Variants in MAP3K21 observed in about 807,000 individuals in gnomAD.
MAP3K21 encodes mitogen-activated protein kinase kinase kinase MLK4.
In MAP3K21, 63 loss-of-function variants were observed where a neutral mutation model predicts 86.1. The ratio of observed to expected loss-of-function variants is 0.73; its 90% CI spans 0.60 to 0.90. The LOEUF is 0.90. Among genes scored for constraint, MAP3K21 ranks in the 40% least tolerant of loss-of-function variants. The pLI is 0.00. For synonymous variants in MAP3K21, 558 were observed against 564.8 expected, an observed-to-expected ratio of 0.99 and a Z score of 0.17; for missense variants, 1,220 against 1,367.7, an observed-to-expected ratio of 0.89 and a Z score of 1.70.
At chr1:233,372,965 T>C (rs1278346887) in intron 6 of MAP3K21, 3 of 151,870 alleles carry the variant, frequency 2.0e-5, no homozygotes, top group African/African-American at 7.3e-5. Context: ...AAAAAAAAAA[T>C]CCAAAAGAAA....
chr1:233,372,419 C>T (rs900803864), intron 6 of MAP3K21: 8 of 427,492 alleles, frequency 1.9e-5, no homozygotes, highest in Non-Finnish European at 3.3e-5. Flanking sequence ...TGAAACACCA[C>T]ATCTCGAGAC....
chr1:233,378,495 A>G (rs527678963), intron 8 of MAP3K21, among the ~76,000 whole-genome samples: 1 of 152,342 alleles, frequency 6.6e-6, no homozygotes, highest in Admixed American at 6.5e-5. Context: ...CTGATCTGCT[A>G]CAGAACAGTT....
At chr1:233,339,247 TTCTTCTTCTTCTTCTTCTTCC>T (rs1249795566) in intron 1 of MAP3K21, among the ~76,000 whole-genome samples, 1,090 of 76,902 alleles carry the variant, frequency 0.014, 51 homozygotes, top group African/African-American at 0.023. Flanking sequence ...CTTCTTCTTC[TTCTTCTTCTTCTTCTTCTTCC>T]TCTTCTTCTT....
chr1:233,380,729 A>G (rs1663897687), intron 9 of MAP3K21, among the ~76,000 whole-genome samples: 1 of 152,236 alleles, frequency 6.6e-6, no homozygotes, highest in Admixed American at 6.5e-5. Context: ...TTGGACATAA[A>G]TTGTCTCTTA....
chr1:233,359,421 G>A (rs535141260), intron 4 of MAP3K21, among the ~76,000 whole-genome samples: 22 of 152,048 alleles, frequency 1.4e-4, no homozygotes, highest in African/African-American at 4.6e-4. Flanking sequence ...TTTTGGCTTC[G>A]AAGTTTCCAG....
At chr1:233,379,960 G>A (rs1349898326) in intron 9 of MAP3K21, among the ~76,000 whole-genome samples, 2 of 152,150 alleles carry the variant, frequency 1.3e-5, no homozygotes, top group African/African-American at 4.8e-5. Context: ...AGAACACATG[G>A]AGAATAACCA....
At chr1:233,358,469 A>ATTTTTTTT (rs1457336705) in intron 4 of MAP3K21, among the ~76,000 whole-genome samples, 1 of 68,766 alleles carries the variant, frequency 1.5e-5, no homozygotes. Context: ...AAAGACTCTA[A>ATTTTTTTT]TTTGTTTTTT....
chr1:233,375,583 A>G (rs1277189421), intron 6 of MAP3K21, among the ~76,000 whole-genome samples: 1 of 152,238 alleles, frequency 6.6e-6, no homozygotes, highest in Non-Finnish European at 1.5e-5. Context: ...ATTTTAAGTT[A>G]CATGTTTAGT....
chr1:233,366,183 G>A (rs906237187), intron 5 of MAP3K21, among the ~76,000 whole-genome samples: 1 of 152,092 alleles, frequency 6.6e-6, no homozygotes, highest in Non-Finnish European at 1.5e-5. Flanking sequence ...GGTTATTGGG[G>A]TGGGAAGGGC....
Position 233,328,263 on chromosome 1 carries a change from G to C in MAP3K21, c.235G>C (p.Gly79Arg). Residue 79 changes from glycine to arginine, a missense_variant, in exon 1 of 10, where the codon GGC (glycine) becomes CGC (arginine). Coordinates refer to ENST00000366624, the MANE Select transcript of MAP3K21 (RefSeq NM_032435.3). This position sits in a 1 kb window ranked among gnomAD's most constrained non-coding sequence, Gnocchi z 8.7. ...SQDAAVSGDE[G>R]WWAGQVQRRL... ...GGACGCCGCCGTGTCGGGCGACGAGGGCTGGTGGGCAGGCCAGGTGCAGCG... is the reference window on the plus strand; with the variant it reads ...GGACGCCGCCGTGTCGGGCGACGAGCGCTGGTGGGCAGGCCAGGTGCAGCG... 1.3e-6 allele frequency: 2 copies of C among 1,490,674 alleles called. No homozygotes were observed. The highest frequency in any genetic ancestry group is 1.3e-5 in the South Asian group (1 of 79,592). The allele number at this position is 1,490,674 out of a possible 1,614,324, so 92.3% of individuals were successfully genotyped here. A position where few individuals can be genotyped will look rare whatever the true frequency, so the allele number is the denominator to read the frequency against.
At chr1:233,339,407 C>CCTCCTCCTCCTTCTCCTCCTCCTT (rs1433267823) in intron 1 of MAP3K21, among the ~76,000 whole-genome samples, 4,382 of 37,696 alleles carry the variant, frequency 0.12, 277 homozygotes, top group East Asian at 0.16. Flanking sequence ...TTCTCCTCCT[C>CCTCCTCCTCCTTCTCCTCCTCCTT]CTCCTCCTCC....
intron 5 of MAP3K21, among the ~76,000 whole-genome samples, chr1:233,367,111 A>C (rs1663591210): frequency 6.6e-6 from 1 of 152,194 alleles, no homozygotes; most frequent in Admixed American, 6.5e-5. Context: ...AATACAAGAC[A>C]AAAGCTTTAA....
At chr1:233,336,616 C>T (rs1662920015) in intron 1 of MAP3K21, among the ~76,000 whole-genome samples, 1 of 152,126 alleles carries the variant, frequency 6.6e-6, no homozygotes, top group Admixed American at 6.5e-5. Context: ...AATTATTTCA[C>T]TTATAATCCC....
rs751511846 is a variant in MAP3K21, at chr1:233,379,081, C to A, written c.2075C>A (p.Ala692Glu). 3.1e-5 allele frequency: 50 copies of A among 1,614,100 alleles called. No individual in the cohort carries two copies. Among genetic ancestry groups the A allele is most frequent in the Non-Finnish European group, 4.2e-5 (50 of 1,180,050 alleles). Residue 692 changes from alanine to glutamate, a missense_variant, in exon 9 of 10, where the codon GCA (alanine) becomes GAA (glutamate). Around this residue, in one of 5 missense-constraint regions of MAP3K21, gnomAD observed 632 missense variants for 691.3 expected, o/e 0.91. Transcript: ENST00000366624. ...GCAGAAGCTGAAAGCTGGGAGGAGG[C>A]AGCCTCTGCGAATGCTGCCACAGTC... ...NPAEAESWEEAASANAATVSI... is the reference protein window; with the variant it reads ...NPAEAESWEEEASANAATVSI...
chr1:233,382,308 G>A lies in MAP3K21; in HGVS notation c.2708G>A (p.Gly903Asp). Residue 903 changes from glycine (G) to aspartate (D), a missense_variant, in exon 10 of 10, where the codon GGT becomes GAT. Transcript: ENST00000366624. ...TMSDGNPTPT[G>D]ATIISATGAS... The stretch of plus-strand genomic sequence containing the variant: ...CTGTTTTGGCTTTCTCAACCAGCTG[G>A]TGCAACTATTATCTCAGCCACTGGA... 1.2e-6 allele frequency: 2 copies of A among 1,608,058 alleles called. No homozygotes were observed. Among genetic ancestry groups the A allele is most frequent in the Middle Eastern group, 1.7e-4 (1 of 6,030 alleles).
In MAP3K21 at chr1:233,382,930, A is replaced by G. The variant is rs529650668; in HGVS notation, c.*219A>G. 5.5e-5 allele frequency: 27 copies of G among 493,124 alleles called. No individual in the cohort carries two copies. The highest frequency in any genetic ancestry group is 4.8e-4 in the African/African-American group (25 of 52,138). 30.5% of individuals were successfully genotyped at this position (493,124 alleles called of 1,614,324 possible). ...TCTTTTCTTATAACTTGGAATACAC[A>G]AAAGTGTAAAACAAGAGATGTGCAC... is the stretch of plus-strand genomic sequence containing the variant. On this transcript the variant is annotated 3_prime_UTR_variant, in exon 10 of 10. Coordinates refer to ENST00000366624, the MANE Select transcript of MAP3K21 (RefSeq NM_032435.3).
At chr1:233,356,886 G>A (rs1572248564) in intron 4 of MAP3K21, among the ~76,000 whole-genome samples, 1 of 152,152 alleles carries the variant, frequency 6.6e-6, no homozygotes, top group Non-Finnish European at 1.5e-5. Context: ...ACATATTTCT[G>A]GTTGCAAACA....
At chr1:233,372,012 C>T (rs765040681) in intron 5 of MAP3K21, 26 bp from the exon 6 acceptor site, 88 of 1,602,524 alleles carry the variant, frequency 5.5e-5, no homozygotes, top group Non-Finnish European at 7.4e-5. Context: ...CATGAAATAC[C>T]AGTTCTCCCT....
At chr1:233,377,674 TG>T (rs1454387681) in intron 8 of MAP3K21, among the ~76,000 whole-genome samples, 1 of 152,026 alleles carries the variant, frequency 6.6e-6, no homozygotes, top group Non-Finnish European at 1.5e-5. Flanking sequence ...CATGGACCAG[TG>T]GGGTAGGGAT....
Sources: gnomAD v4.1 joint callset for allele counts (sites outside exome capture counted in the v4.1 genomes callset) on GRCh38, gnomAD v4.1.1 for gene constraint, gnomAD v4.1.1 regional missense constraint, Gnocchi (gnomAD v3.1) non-coding constraint, MANE v1.5 for transcripts, NCBI Gene and HGNC (gene_info 2026-07-23, HGNC 2026-07-21) for gene names.